Variants in MINDY3 observed in about 807,000 individuals in gnomAD.
The protein encoded by MINDY3 is MINDY lysine 48 deubiquitinase 3.
Under a neutral mutation model 69.2 loss-of-function variants are expected in MINDY3, and 38 were observed. The observed-to-expected ratio is 0.55, with a 90% CI of 0.42 to 0.72. The LOEUF (loss-of-function observed/expected upper bound fraction) is 0.72. Among genes scored for constraint, MINDY3 ranks in the 30% least tolerant of loss-of-function variants. The pLI is 0.00. For missense variants in MINDY3, 522 were observed against 519.0 expected (o/e 1.01, Z -0.06); for synonymous variants, 192 against 180.1 (o/e 1.07, Z -0.53).
At chr10:15,859,141 A>T (rs1834904573) in intron 1 of MINDY3, among the ~76,000 whole-genome samples, 1 of 152,202 alleles carries the variant, frequency 6.6e-6, no homozygotes, top group African/African-American at 2.4e-5. Context: ...ACTTAACAAT[A>T]CATCGTAATT....
Position 15,796,112 on chromosome 10 carries a change from A to G in MINDY3, c.943T>C (p.Tyr315His), listed in dbSNP as rs1376193769. 6.2e-7 allele frequency: 1 copy of G among 1,612,474 alleles called. No homozygotes were observed. The highest frequency in any genetic ancestry group is 1.1e-5 in the South Asian group (1 of 90,956). The stretch of plus-strand genomic sequence containing the variant: ...TAAAATCTTTTACCTTCTGGGTCGT[A>G]GGTTTGAAAAACTCTTCTGGCTTGT... The part of the protein sequence containing the change: ...SEQARRVFQT[Y>H]DPEDNGFIPD... The change falls in exon 11 of 15, where the codon TAC (tyrosine) becomes CAC (histidine). Residue 315 changes from tyrosine to histidine, a missense_variant. By Grantham distance (83) the Tyr-to-His change is moderately conservative. Transcript: ENST00000277632.
At chr10:15,850,054 C>T (rs1012864679) in intron 1 of MINDY3, among the ~76,000 whole-genome samples, 1 of 152,104 alleles carries the variant, frequency 6.6e-6, no homozygotes, top group African/African-American at 2.4e-5. Context: ...TTATCAGTTC[C>T]CCAAATTAAT....
At chr10:15,848,048 A>T in intron 1 of MINDY3, 105 bp from the exon 2 acceptor site, 2 of 873,622 alleles carry the variant, frequency 2.3e-6, no homozygotes, top group Non-Finnish European at 1.9e-6. Flanking sequence ...TCACAACAGC[A>T]AAATATCTTC....
chr10:15,854,166 T>TCCTCTGTTTGGTTTTA (rs1366366760), intron 1 of MINDY3, among the ~76,000 whole-genome samples: 1 of 152,130 alleles, frequency 6.6e-6, no homozygotes, highest in African/African-American at 2.4e-5. Flanking sequence ...AAAAGTTACA[T>TCCTCTGTTTGGTTTTA]GATTTGGTTT....
intron 8 of MINDY3, among the ~76,000 whole-genome samples, chr10:15,831,434 C>A (rs891064278): frequency 6.6e-6 from 1 of 152,136 alleles, no homozygotes; most frequent in African/African-American, 2.4e-5. Flanking sequence ...TTCCAAAATG[C>A]AAGAAATATA....
chr10:15,844,008 C>A (rs934077221), intron 2 of MINDY3, among the ~76,000 whole-genome samples: 15 of 152,130 alleles, frequency 9.9e-5, no homozygotes, highest in Admixed American at 3.3e-4. Context: ...CTTTTCCTCA[C>A]CTGTGTTTGA....
intron 13 of MINDY3, among the ~76,000 whole-genome samples, chr10:15,785,158 G>C (rs948121682): frequency 1.3e-5 from 2 of 152,154 alleles, no homozygotes; most frequent in African/African-American, 4.8e-5. Flanking sequence ...TCACATGCTC[G>C]TGGGAGGCAA....
chr10:15,797,578 C>A (rs1837932368), intron 10 of MINDY3, among the ~76,000 whole-genome samples: 1 of 152,004 alleles, frequency 6.6e-6, no homozygotes, highest in African/African-American at 2.4e-5. Flanking sequence ...ATCAAATAAA[C>A]CTGAACATGT....
intron 1 of MINDY3, among the ~76,000 whole-genome samples, chr10:15,858,986 A>G (rs577401747): frequency 1.3e-5 from 2 of 152,334 alleles, no homozygotes; most frequent in East Asian, 3.9e-4. Flanking sequence ...TCAAAGGAAG[A>G]TAATGAAAAC....
At chr10:15,837,648 T>C in intron 5 of MINDY3, 1 of 1,188,084 alleles carries the variant, frequency 8.4e-7, no homozygotes, top group Non-Finnish European at 1.1e-6. Context: ...TAAGAGGGGG[T>C]AAACACAAAG....
chr10:15,796,114 G>C lies in MINDY3; in HGVS notation c.941C>G (p.Thr314Ser), dbSNP rs1310890855. 6.2e-7 allele frequency: 1 copy of C among 1,612,440 alleles called. No homozygotes were observed. Among genetic ancestry groups the C allele is most frequent in the Non-Finnish European group, 8.5e-7 (1 of 1,178,852 alleles). ...PSEQARRVFQ[T>S]YDPEDNGFIP... ...AAATCTTTTACCTTCTGGGTCGTAG[G>C]TTTGAAAAACTCTTCTGGCTTGTTC... is the stretch of plus-strand genomic sequence containing the variant. The change falls in exon 11 of 15, where the codon ACC (threonine) becomes AGC (serine). Residue 314 changes from threonine to serine, a missense_variant. By Grantham distance (58) the Thr-to-Ser change is moderately conservative. Coordinates refer to ENST00000277632, the MANE Select transcript of MINDY3 (RefSeq NM_024948.4).
rs761405837 is a variant in MINDY3, at chr10:15,833,666, T to A, written c.694A>T (p.Asn232Tyr). Residue 232 changes from asparagine to tyrosine, a missense_variant, in exon 8 of 15, where the codon AAT becomes TAT. Physicochemically the swap from Asn to Tyr is moderately radical, Grantham distance 143 (BLOSUM62 -2). Coordinates refer to ENST00000277632, the MANE Select transcript of MINDY3 (RefSeq NM_024948.4). ...CACTCTCTATCACCATCCCATACAT[T>A]AGAAACAGCATGTCCCGTCAGCAGG... ...NLLLTGHAVS[N>Y]VWDGDRECSG... is the part of the protein sequence containing the mutation. 16 of 1,611,264 alleles carry A rather than the reference T, an allele frequency of 9.9e-6. No individual in the cohort carries two copies. Among genetic ancestry groups the A allele is most frequent in the Non-Finnish European group, 1.4e-5 (16 of 1,177,652 alleles).
intron 13 of MINDY3, 126 bp downstream of exon 13, chr10:15,786,435 T>C: frequency 1.5e-6 from 1 of 658,196 alleles, no homozygotes; most frequent in East Asian, 2.6e-5. Context: ...GGTTTCCATG[T>C]AACGGTGTTT....
intron 1 of MINDY3, among the ~76,000 whole-genome samples, chr10:15,859,734 T>TA: frequency 6.6e-6 from 1 of 152,228 alleles, no homozygotes; most frequent in African/African-American, 2.4e-5. Flanking sequence ...ATAATGACAA[T>TA]ACAAACAAAA....
At chr10:15,845,815 T>TC (rs1383916702) in intron 2 of MINDY3, among the ~76,000 whole-genome samples, 1 of 124,776 alleles carries the variant, frequency 8.0e-6, no homozygotes, top group Non-Finnish European at 1.7e-5. Flanking sequence ...CCTATGTGAT[T>TC]TTTTTTTTTT....
chr10:15,833,657 C>T lies in MINDY3; in HGVS notation c.703G>A (p.Asp235Asn), dbSNP rs749102722. The T allele has an allele frequency of 2.5e-6, 4 of 1,610,388 alleles. No individual in the cohort carries two copies. Among genetic ancestry groups the T allele is most frequent in the Non-Finnish European group, 2.5e-6 (3 of 1,176,994 alleles). ...LTGHAVSNVW[D>N]GDRECSGMKL... ...ATTCCTGAGCACTCTCTATCACCAT[C>T]CCATACATTAGAAACAGCATGTCCC... Residue 235 changes from aspartate (D) to asparagine (N), a missense_variant, in exon 8 of 15, where the codon GAT (aspartate) becomes AAT (asparagine). Asp to Asn is a conservative substitution (Grantham distance 23). Coordinates refer to ENST00000277632, the MANE Select transcript of MINDY3 (RefSeq NM_024948.4).
chr10:15,790,331 C>T (rs548609390), intron 11 of MINDY3, among the ~76,000 whole-genome samples: 158 of 152,156 alleles, frequency 1.0e-3, no homozygotes, highest in African/African-American at 3.7e-3. Context: ...ACAGATTGGC[C>T]TTGACTAAAA....
intron 13 of MINDY3, 136 bp downstream of exon 13, chr10:15,786,425 G>A: frequency 1.6e-6 from 1 of 630,276 alleles, no homozygotes; most frequent in Non-Finnish European, 2.9e-6. Context: ...TGTCTGGGAA[G>A]GTTTCCATGT....
intron 10 of MINDY3, among the ~76,000 whole-genome samples, chr10:15,801,431 T>C (rs1449920051): frequency 6.6e-6 from 1 of 152,160 alleles, no homozygotes; most frequent in African/African-American, 2.4e-5. Flanking sequence ...ATCAATGCTG[T>C]GTACCTGAAG....
Sources: allele counts gnomAD v4.1 joint callset (sites outside exome capture counted in the v4.1 genomes callset), GRCh38; gene constraint gnomAD v4.1.1; transcripts MANE v1.5; gene names NCBI Gene and HGNC (gene_info 2026-07-23, HGNC 2026-07-21).